PROSER2: variants seen among roughly 807,000 people sequenced by gnomAD.
PROSER2 encodes the protein proline and serine rich 2.
A neutral mutation model predicts 14.6 loss-of-function variants in PROSER2; 18 were observed. The ratio of observed to expected loss-of-function variants is 1.23; its 90% confidence interval spans 0.85 to 1.83. PROSER2 has a LOEUF of 1.83. Among genes scored for constraint, PROSER2 ranks in the 40% most tolerant of loss-of-function variants. The pLI, the probability that PROSER2 is intolerant of heterozygous loss-of-function variation, is 0.00. For missense variants in PROSER2, 823 were observed against 629.8 expected (o/e 1.31, Z -3.28); for synonymous variants, 367 against 286.4 (o/e 1.28, Z -2.84).
chr10:11,838,482 G>A lies in PROSER2; in HGVS notation c.-81-13515G>A, dbSNP rs532793781. On this transcript the variant is annotated intron_variant, in intron 1 of 3. Transcript: ENST00000277570. The surrounding 1 kb of genome is among the most constrained non-coding windows in gnomAD (Gnocchi z 4.4). ...GCAGGCAACACTGTATACCCATCCC[G>A]GCACGTGTTTCCACATGTTCCTAGT... Among the ~76,000 whole-genome samples the A allele has an allele frequency of 1.1e-4, 17 of 152,304 alleles. No individual in the cohort carries two copies. The East Asian group carries it at 1.7e-3, about 16-fold the overall frequency.
At chr10:11,860,301 G>C (rs1834210872) in intron 2 of PROSER2, among the ~76,000 whole-genome samples, 1 of 152,192 alleles carries the variant, frequency 6.6e-6, no homozygotes, top group Non-Finnish European at 1.5e-5. Context: ...CTGGGAAGCT[G>C]CTCACCAACT....
chr10:11,835,876 GA>G (rs1833753503), intron 1 of PROSER2, among the ~76,000 whole-genome samples: 1 of 152,150 alleles, frequency 6.6e-6, no homozygotes, highest in African/African-American at 2.4e-5. Context: ...TTCCCCATAT[GA>G]AGAAGCCCAC....
chr10:11,830,976 A>C lies in PROSER2; in HGVS notation c.-82+7506A>C, dbSNP rs895339949. Among the ~76,000 whole-genome samples, 1 of 152,214 alleles carries C rather than the reference A, an allele frequency of 6.6e-6. No homozygotes were observed. The highest frequency in any genetic ancestry group is 1.5e-5 in the Non-Finnish European group (1 of 68,048). ...TGACATCATCCATCATCTGGCTCGC[A>C]AAGGGACTGGTGGAAGATGAGGTTA... is the stretch of plus-strand genomic sequence containing the variant. On this transcript the variant is annotated intron_variant, in intron 1 of 3. Transcript: ENST00000277570. This position sits in a 1 kb window ranked among gnomAD's most constrained non-coding sequence, Gnocchi z 4.5.
intron 1 of PROSER2, among the ~76,000 whole-genome samples, chr10:11,834,223 G>A (rs1350240142): frequency 6.6e-6 from 1 of 150,568 alleles, no homozygotes; most frequent in Non-Finnish European, 1.5e-5. Flanking sequence ...TCGATCTTTT[G>A]ACCTCGTGAC....
intron 1 of PROSER2, chr10:11,849,478 A>T (rs961722803): frequency 6.6e-6 from 1 of 152,252 alleles, no homozygotes; most frequent in African/African-American, 2.4e-5. Context: ...TCTGGAAGGG[A>T]AGCCTCTGAC....
chr10:11,849,282 C>G (rs1310250700), intron 1 of PROSER2, among the ~76,000 whole-genome samples: 3 of 152,184 alleles, frequency 2.0e-5, no homozygotes, highest in Non-Finnish European at 4.4e-5. Context: ...TGGCACTGAA[C>G]ATTGTTACAT....
At chr10:11,847,671 G>C (rs1046947720) in intron 1 of PROSER2, among the ~76,000 whole-genome samples, 4 of 148,930 alleles carry the variant, frequency 2.7e-5, no homozygotes, top group African/African-American at 4.8e-5. Flanking sequence ...CACCCACCTC[G>C]GCCTCCCAAA....
chr10:11,826,198 T>C (rs960556109), intron 1 of PROSER2, among the ~76,000 whole-genome samples: 1 of 152,204 alleles, frequency 6.6e-6, no homozygotes, highest in African/African-American at 2.4e-5. Flanking sequence ...TCGCGGCGTG[T>C]ATCGTTGCTT....
chr10:11,849,939 C>G (rs1272860764), intron 1 of PROSER2: 1 of 152,280 alleles, frequency 6.6e-6, no homozygotes, highest in Non-Finnish European at 1.5e-5. Context: ...CTCTCTCTCT[C>G]TCACCAGTGA....
intron 1 of PROSER2, among the ~76,000 whole-genome samples, chr10:11,832,204 C>G (rs2181932): frequency 0.38 from 57,028 of 152,034 alleles, 11,499 homozygotes; most frequent in East Asian, 0.48. Flanking sequence ...GTTTCAAACT[C>G]CAGAACAAAA....
intron 1 of PROSER2, among the ~76,000 whole-genome samples, chr10:11,834,488 A>G (rs1833731416): frequency 6.6e-6 from 1 of 150,738 alleles, no homozygotes; most frequent in African/African-American, 2.4e-5. Flanking sequence ...TAATCCCAGC[A>G]CTTTGGGAGG....
intron 2 of PROSER2, among the ~76,000 whole-genome samples, chr10:11,864,864 C>T (rs752740023): frequency 4.6e-5 from 7 of 152,172 alleles, no homozygotes; most frequent in Non-Finnish European, 1.0e-4. Context: ...ACTGGGATTA[C>T]AGGCGTGAGC....
chr10:11,844,817 T>G (rs1833900378), intron 1 of PROSER2, among the ~76,000 whole-genome samples: 1 of 152,168 alleles, frequency 6.6e-6, no homozygotes, highest in Admixed American at 6.5e-5. Context: ...AGACAGGGTT[T>G]CACCATGTTG....
chr10:11,866,673 T>C lies in PROSER2; in HGVS notation c.281T>C (p.Leu94Pro). 6.2e-7 allele frequency: 1 copy of C among 1,614,158 alleles called. No individual in the cohort carries two copies. The highest frequency in any genetic ancestry group is 1.3e-5 in the African/African-American group (1 of 75,038). Residue 94 changes from leucine (L) to proline (P), a missense_variant, in exon 3 of 4, where the codon CTG (leucine) becomes CCG (proline). By Grantham distance (98) the Leu-to-Pro change is moderately conservative. Coordinates refer to ENST00000277570, the MANE Select transcript of PROSER2 (RefSeq NM_153256.4). This position sits in a 1 kb window ranked among gnomAD's most constrained non-coding sequence, Gnocchi z 6.0. The part of the protein sequence containing the change: ...GGVCCLCSPS[L>P]EESTSSPSEP... ...GTGTGCTGCCTCTGCTCCCCGTCTCTGGAGGAGAGCACCTCCAGTCCCTCC... is the reference window on the plus strand; with the variant it reads ...GTGTGCTGCCTCTGCTCCCCGTCTCCGGAGGAGAGCACCTCCAGTCCCTCC...
rs1430326488 is a variant in PROSER2 at position 11,870,167 on chromosome 10, A to G, written c.1069A>G (p.Ser357Gly). 1.4e-6 allele frequency: 2 copies of G among 1,475,842 alleles called. No individual in the cohort carries two copies. Among genetic ancestry groups the G allele is most frequent in the Admixed American group, 4.6e-5 (2 of 43,182 alleles). 91.4% of individuals were successfully genotyped at this position (1,475,842 alleles called of 1,614,324 possible). ...GCACGAGGCCCTGAAGAGCGCACCC[A>G]GCTCCTTCGCGCCCGCTGGGAAGTC... The part of the protein sequence containing the change: ...SAHEALKSAP[S>G]SFAPAGKSLC... The change falls in exon 4 of 4, where the codon AGC (serine) becomes GGC (glycine). Residue 357 changes from serine (S) to glycine (G), a missense_variant. Physicochemically the swap from Ser to Gly is moderately conservative, Grantham distance 56. Coordinates refer to ENST00000277570, the MANE Select transcript of PROSER2 (RefSeq NM_153256.4).
intron 2 of PROSER2, among the ~76,000 whole-genome samples, chr10:11,853,496 G>A (rs1212775327): frequency 2.0e-5 from 3 of 152,168 alleles, no homozygotes; most frequent in Admixed American, 6.5e-5. Flanking sequence ...GCTGAGGCAG[G>A]AGAATCACTT....
At position 11,830,116 on chromosome 10, in the gene PROSER2, TAC is replaced by T. The variant is rs933246382; in HGVS notation, c.-82+6648_-82+6649del. On this transcript the variant is annotated intron_variant, in intron 1 of 3. Coordinates refer to ENST00000277570, the MANE Select transcript of PROSER2 (RefSeq NM_153256.4). This position sits in a 1 kb window ranked among gnomAD's most constrained non-coding sequence, Gnocchi z 4.5. ...CCTCAGCCTCCCAAAGTGCCGGGAT[TAC>T]AGGTGTGAGCCACTGTGCCAGCCAC... is the stretch of plus-strand genomic sequence containing the variant. Among the ~76,000 whole-genome samples the T allele has an allele frequency of 3.9e-5, 6 of 152,292 alleles. No homozygotes were observed. The highest frequency in any genetic ancestry group is 1.4e-4 in the African/African-American group (6 of 41,566).
intron 1 of PROSER2, among the ~76,000 whole-genome samples, chr10:11,847,148 T>C: frequency 1.0e-5 from 1 of 95,808 alleles, no homozygotes. Context: ...AAGAAAAACA[T>C]AAATAAATAT....
In PROSER2 at chr10:11,830,655, C is replaced by A. The variant is rs575803111; in HGVS notation, c.-82+7185C>A. On this transcript the variant is annotated intron_variant, in intron 1 of 3. Transcript: ENST00000277570. The surrounding 1 kb of genome is among the most constrained non-coding windows in gnomAD (Gnocchi z 4.5). ...GAGCTACTTAAAGGTGTCCTGATTTCTCTGAGAGAGGTTGATAGCCATTCC... is the reference window on the plus strand; with the variant it reads ...GAGCTACTTAAAGGTGTCCTGATTTATCTGAGAGAGGTTGATAGCCATTCC... Among the ~76,000 whole-genome samples the A allele has an allele frequency of 3.1e-3, 478 of 152,326 alleles. 5 individuals carry two copies. The highest frequency in any genetic ancestry group is 0.011 in the African/African-American group (464 of 41,578).
Sources: allele counts gnomAD v4.1 joint callset (sites outside exome capture counted in the v4.1 genomes callset), GRCh38; gene constraint gnomAD v4.1.1; non-coding constraint Gnocchi (gnomAD v3.1); transcripts MANE v1.5; gene names NCBI Gene and HGNC (gene_info 2026-07-23, HGNC 2026-07-21).